Variants in JADE1 observed in about 807,000 individuals in gnomAD.
The protein encoded by JADE1 is protein Jade-1.
A neutral mutation model predicts 81.8 loss-of-function variants in JADE1; 14 were observed. The ratio of observed to expected loss-of-function variants is 0.17; its 90% CI spans 0.11 to 0.27. The LOEUF is 0.27. Ranked by LOEUF, JADE1 falls within the 10% of genes least tolerant of loss-of-function variation. JADE1 has a pLI of 1.00. For missense variants in JADE1, 690 were observed against 1,047.9 expected, an observed-to-expected ratio of 0.66 and a Z score of 4.71; for synonymous variants, 353 against 391.9, an observed-to-expected ratio of 0.90 and a Z score of 1.17.
At chr4:128,839,086 T>TA (rs1729216834) in intron 2 of JADE1, among the ~76,000 whole-genome samples, 2 of 152,016 alleles carry the variant, frequency 1.3e-5, no homozygotes, top group African/African-American at 4.8e-5. Context: ...ACAATGACAT[T>TA]TAAAAAAAAA....
chr4:128,823,546 C>G lies in JADE1; in HGVS notation c.-26-8187C>G, dbSNP rs575003806. 3.9e-5 allele frequency among the ~76,000 whole-genome samples: 6 copies of G among 152,090 alleles called. No homozygotes were observed. The East Asian group carries it at 9.7e-4, about 24-fold the overall frequency. ...GCTATTGCTAATGTAAACTTGTCAGCTGAATATTTGTAAGTTTTACCTCCT... is the reference window on the plus strand; with the variant it reads ...GCTATTGCTAATGTAAACTTGTCAGGTGAATATTTGTAAGTTTTACCTCCT... On this transcript the variant is annotated intron_variant, in intron 1 of 10. Coordinates refer to ENST00000226319, the MANE Select transcript of JADE1 (RefSeq NM_199320.4).
chr4:128,869,676 G>A (rs1050558028), intron 10 of JADE1, among the ~76,000 whole-genome samples: 8 of 152,208 alleles, frequency 5.3e-5, no homozygotes, highest in African/African-American at 1.9e-4. Flanking sequence ...GAGTTATTTT[G>A]TGGTAACAGA....
intron 2 of JADE1, among the ~76,000 whole-genome samples, chr4:128,840,657 T>A (rs1729358418): frequency 6.6e-6 from 1 of 152,130 alleles, no homozygotes; most frequent in African/African-American, 2.4e-5. Context: ...CATCTCCAGG[T>A]TCCTAACTTG....
intron 8 of JADE1, among the ~76,000 whole-genome samples, chr4:128,859,760 T>G (rs1396058473): frequency 6.6e-6 from 1 of 152,244 alleles, no homozygotes; most frequent in Non-Finnish European, 1.5e-5. Context: ...GATCTTTGTT[T>G]CCCTTTTGAA....
intron 5 of JADE1, among the ~76,000 whole-genome samples, chr4:128,850,508 C>G (rs949211672): frequency 6.6e-6 from 1 of 152,118 alleles, no homozygotes. Flanking sequence ...GTCTTCTACT[C>G]GCTCAGTTAC....
chr4:128,864,773 A>T (rs1731659429), intron 9 of JADE1: 1 of 223,152 alleles, frequency 4.5e-6, no homozygotes. Context: ...AGCCATCATT[A>T]GAAATGCAGA....
Position 128,871,898 on chromosome 4 carries a change from A to C in JADE1, c.2165A>C (p.Asn722Thr). 6.2e-7 allele frequency: 1 copy of C among 1,614,130 alleles called. No individual in the cohort carries two copies. The highest frequency in any genetic ancestry group is 8.5e-7 in the Non-Finnish European group (1 of 1,180,018). The change falls in exon 11 of 11, where the codon AAT (asparagine) becomes ACT (threonine). Residue 722 changes from asparagine to threonine, a missense_variant. Asn to Thr is a moderately conservative substitution (Grantham distance 65). This residue lies in a region of JADE1 where 218 missense variants were observed against 274.3 expected (regional missense o/e 0.79). Coordinates refer to ENST00000226319, the MANE Select transcript of JADE1 (RefSeq NM_199320.4). This position sits in a 1 kb window ranked among gnomAD's most constrained non-coding sequence, Gnocchi z 4.1. ...AGGAAGGAGATAGTGCCCAAGTGCA[A>C]TGGCTCCCTAATCAAAGTAAACTAT... ...GTRKEIVPKC[N>T]GSLIKVNYNQ... is the part of the protein sequence containing the mutation.
In JADE1 at chr4:128,867,888, G is replaced by A. The variant is rs1731898384; in HGVS notation, c.1536G>A (p.Arg512=). Residue 512 remains arginine (R), a synonymous_variant, in exon 10 of 11, where the codon AGG becomes AGA. Transcript: ENST00000226319. ...VRNLTYMVTR[R]EKIKRSVCKV... is the part of the protein sequence containing the mutation. The stretch of plus-strand genomic sequence containing the variant: ...ACCTCACTTACATGGTGACCCGCAG[G>A]GAAAAGATTAAACGGTCTGTGTGCA... 6.2e-7 allele frequency: 1 copy of A among 1,613,506 alleles called. No individual in the cohort carries two copies. Among genetic ancestry groups the A allele is most frequent in the South Asian group, 1.1e-5 (1 of 91,052 alleles).
chr4:128,840,088 A>G (rs1729305792), intron 2 of JADE1, among the ~76,000 whole-genome samples: 1 of 152,168 alleles, frequency 6.6e-6, no homozygotes, highest in Admixed American at 6.5e-5. Flanking sequence ...ATCTTTGTAT[A>G]TCTGTTTTTA....
In JADE1 at chr4:128,872,532, T is replaced by C; in HGVS notation, c.*270T>C. On this transcript the variant is annotated 3_prime_UTR_variant, in exon 11 of 11. Transcript: ENST00000226319. ...CCCGAACTGAACACTAAAATAAAAA[T>C]GAAATGTTTTAAAGAAGGCAAGGCT... The C allele has an allele frequency of 2.6e-6, 1 of 384,106 alleles. No homozygotes were observed. Among genetic ancestry groups the C allele is most frequent in the Non-Finnish European group, 4.7e-6 (1 of 212,160 alleles). 23.8% of individuals were successfully genotyped at this position (384,106 alleles called of 1,614,324 possible).
intron 1 of JADE1, among the ~76,000 whole-genome samples, chr4:128,830,726 A>G (rs1249298606): frequency 6.6e-6 from 1 of 152,158 alleles, no homozygotes; most frequent in Admixed American, 6.5e-5. Flanking sequence ...TGTCAGGTTG[A>G]TCAGTAATTT....
At chr4:128,823,881 C>T (rs1727800997) in intron 1 of JADE1, among the ~76,000 whole-genome samples, 1 of 152,130 alleles carries the variant, frequency 6.6e-6, no homozygotes, top group Non-Finnish European at 1.5e-5. Flanking sequence ...ACTTTAAAAA[C>T]TGAGGTAAGA....
intron 5 of JADE1, among the ~76,000 whole-genome samples, chr4:128,851,151 G>C (rs568280482): frequency 3.3e-4 from 51 of 152,340 alleles, no homozygotes; most frequent in African/African-American, 1.2e-3. Flanking sequence ...GGTTGGTCGT[G>C]AACTCCTGAC....
chr4:128,812,768 A>G (rs1726589121), intron 1 of JADE1, among the ~76,000 whole-genome samples: 1 of 152,244 alleles, frequency 6.6e-6, no homozygotes, highest in South Asian at 2.1e-4. Context: ...TCTAGTAACG[A>G]GAGGGCTGGC....
chr4:128,865,886 A>G (rs938164176), intron 9 of JADE1, among the ~76,000 whole-genome samples: 1 of 152,238 alleles, frequency 6.6e-6, no homozygotes, highest in African/African-American at 2.4e-5. Flanking sequence ...AAGTATTTCT[A>G]TTACATGTCT....
chr4:128,811,430 G>T (rs1303738119), intron 1 of JADE1: 1 of 151,940 alleles, frequency 6.6e-6, no homozygotes, highest in Admixed American at 6.6e-5. Context: ...GGGCGGCGGG[G>T]GAGGGAACCG....
At chr4:128,827,490 G>A (rs939376391) in intron 1 of JADE1, among the ~76,000 whole-genome samples, 4 of 152,152 alleles carry the variant, frequency 2.6e-5, no homozygotes, top group Non-Finnish European at 4.4e-5. Context: ...AGTGTTCAGG[G>A]AAGAAGCCTG....
At position 128,871,227 on chromosome 4, in the gene JADE1, G is replaced by A. The variant is rs1213412065; in HGVS notation, c.1622-128G>A. The A allele has an allele frequency of 3.4e-6, 3 of 882,996 alleles. No individual in the cohort carries two copies. Among genetic ancestry groups the A allele is most frequent in the African/African-American group, 1.7e-5 (1 of 59,318 alleles). The allele number at this position is 882,996 out of a possible 1,614,324, so 54.7% of individuals were successfully genotyped here. A position where few individuals can be genotyped will look rare whatever the true frequency, so the allele number is the denominator to read the frequency against. ...TAAAAACCAAATTTGTACAAACTTG[G>A]TGGTGTAAGTGTTGTGTTGTTGGGT... is the stretch of plus-strand genomic sequence containing the variant. On this transcript the variant is annotated intron_variant, in intron 10 of 10. Transcript: ENST00000226319. This position sits in a 1 kb window ranked among gnomAD's most constrained non-coding sequence, Gnocchi z 4.1.
chr4:128,824,110 A>G (rs1727823320), intron 1 of JADE1, among the ~76,000 whole-genome samples: 1 of 152,174 alleles, frequency 6.6e-6, no homozygotes, highest in Admixed American at 6.5e-5. Flanking sequence ...AATAATTTGA[A>G]CTATGTGAAC....
Sources: gnomAD v4.1 joint callset for allele counts (sites outside exome capture counted in the v4.1 genomes callset) on GRCh38, gnomAD v4.1.1 for gene constraint, gnomAD v4.1.1 regional missense constraint, Gnocchi (gnomAD v3.1) non-coding constraint, MANE v1.5 for transcripts, NCBI Gene and HGNC (gene_info 2026-07-23, HGNC 2026-07-21) for gene names.